Variants in ABLIM1 observed in about 807,000 individuals in gnomAD.
ABLIM1 encodes actin-binding LIM protein 1.
In ABLIM1, 40 loss-of-function variants were observed where a neutral mutation model predicts 107.0. That is an observed-to-expected ratio of 0.37 (90% CI 0.29 to 0.49). The LOEUF (loss-of-function observed/expected upper bound fraction) is 0.49, where lower values mean the gene tolerates loss of function less well. Among genes scored for constraint, ABLIM1 ranks in the 20% least tolerant of loss-of-function variants. The pLI is 0.97. For synonymous variants in ABLIM1, 357 were observed against 357.3 expected, an observed-to-expected ratio of 1.00 and a Z score of 0.01; for missense variants, 857 against 1,008.5, an observed-to-expected ratio of 0.85 and a Z score of 2.04.
chr10:114,479,091 TTTTTC>T (rs1424751361), intron 8 of ABLIM1, among the ~76,000 whole-genome samples: 1 of 152,212 alleles, frequency 6.6e-6, no homozygotes, highest in Non-Finnish European at 1.5e-5. Context: ...TTCCATTCTC[TTTTTC>T]TTTTAACTTC....
At chr10:114,660,896 T>C (rs1236990498), upstream of ABLIM1, among the ~76,000 whole-genome samples, 2 of 152,140 alleles carry the variant, frequency 1.3e-5, no homozygotes, top group African/African-American at 4.8e-5. Flanking sequence ...GGAAAAAAGG[T>C]AACTCTTCCA....
chr10:114,673,645 A>C (rs2080354036), intron 1 of ABLIM1, among the ~76,000 whole-genome samples: 1 of 152,228 alleles, frequency 6.6e-6, no homozygotes. Flanking sequence ...GTCTTCCTGG[A>C]TGCCCCAACT....
chr10:114,800,915 T>TA, the ABLIM1 span, among the ~76,000 whole-genome samples: 1 of 149,238 alleles, frequency 6.7e-6, no homozygotes, highest in Non-Finnish European at 1.5e-5. Context: ...ACTCAATAAA[T>TA]AAAAAACAAA....
At chr10:114,474,762 C>A (rs1448574557) in intron 8 of ABLIM1, among the ~76,000 whole-genome samples, 1 of 152,178 alleles carries the variant, frequency 6.6e-6, no homozygotes, top group Non-Finnish European at 1.5e-5. Context: ...TGTGTCTCCA[C>A]CCACGTTTCA....
intron 3 of ABLIM1, among the ~76,000 whole-genome samples, 200 bp downstream of exon 3, chr10:114,575,216 A>C (rs1458531005): frequency 6.6e-6 from 1 of 152,174 alleles, no homozygotes; most frequent in African/African-American, 2.4e-5. Flanking sequence ...CAGTCATATT[A>C]CTTTGTAGAG....
chr10:114,690,763 C>T (rs2081059199), intron 1 of ABLIM1: 1 of 273,162 alleles, frequency 3.7e-6, no homozygotes, highest in Non-Finnish European at 6.9e-6. Context: ...CTCCCTGCAA[C>T]CTCTGCCTCC....
chr10:114,761,177 G>C (rs538741874), intron 1 of ABLIM1, among the ~76,000 whole-genome samples: 28 of 151,770 alleles, frequency 1.8e-4, no homozygotes, highest in African/African-American at 6.8e-4. Context: ...AAGTAAGAGA[G>C]AAGAAAGATG....
intron 6 of ABLIM1, among the ~76,000 whole-genome samples, chr10:114,505,317 A>G (rs1240154035): frequency 3.9e-5 from 6 of 152,330 alleles, no homozygotes; most frequent in Middle Eastern, 3.4e-3. Context: ...TCTAACTCCA[A>G]TTGGATAATT....
intron 2 of ABLIM1, among the ~76,000 whole-genome samples, chr10:114,581,160 T>C (rs960012766): frequency 3.3e-5 from 5 of 152,054 alleles, no homozygotes; most frequent in Admixed American, 3.3e-4. Flanking sequence ...AGTTGCAAAA[T>C]TAGTAACAGG....
intron 10 of ABLIM1, 101 bp downstream of exon 10, chr10:114,472,876 A>G: frequency 7.9e-7 from 1 of 1,260,502 alleles, no homozygotes. Flanking sequence ...GGCAGACAAA[A>G]GACCACCTGA....
At chr10:114,557,725 T>C (rs1391277980) in intron 4 of ABLIM1, among the ~76,000 whole-genome samples, 1 of 146,812 alleles carries the variant, frequency 6.8e-6, no homozygotes, top group Non-Finnish European at 1.5e-5. Flanking sequence ...CTTCTGGTCT[T>C]AAAGCTTGAG....
At chr10:114,788,556 C>T in the ABLIM1 span, among the ~76,000 whole-genome samples, 2 of 151,712 alleles carry the variant, frequency 1.3e-5, no homozygotes, top group Non-Finnish European at 2.9e-5. Context: ...GGTGAAACCC[C>T]GTCTCTACTA....
chr10:114,604,894 T>C (rs1239138216), intron 1 of ABLIM1, among the ~76,000 whole-genome samples: 2 of 152,234 alleles, frequency 1.3e-5, no homozygotes. Context: ...GGCTTTTCTC[T>C]ATGTCCGAAC....
At chr10:114,687,585 ACC>A (rs1271948434), upstream of ABLIM1, among the ~76,000 whole-genome samples, 3 of 152,196 alleles carry the variant, frequency 2.0e-5, no homozygotes, top group Non-Finnish European at 4.4e-5. Flanking sequence ...CAAACAGGAT[ACC>A]TTACAACAGA....
intron 13 of ABLIM1, among the ~76,000 whole-genome samples, chr10:114,453,058 A>G (rs2062139881): frequency 6.6e-6 from 1 of 152,262 alleles, no homozygotes; most frequent in Non-Finnish European, 1.5e-5. Flanking sequence ...ATGACAGCAA[A>G]CCACAGAAAG....
At chr10:114,538,628 T>C (rs935438148) in intron 6 of ABLIM1, among the ~76,000 whole-genome samples, 25 of 151,972 alleles carry the variant, frequency 1.6e-4, no homozygotes, top group Non-Finnish European at 7.4e-5. Context: ...CTGGGTGCGG[T>C]GATGTGAGGA....
chr10:114,516,145 T>C (rs2062775829), intron 6 of ABLIM1, among the ~76,000 whole-genome samples: 1 of 151,772 alleles, frequency 6.6e-6, no homozygotes, highest in East Asian at 1.9e-4. Context: ...ATTTTAAACA[T>C]TGTCTAAGGG....
intron 1 of ABLIM1, among the ~76,000 whole-genome samples, chr10:114,611,264 C>T (rs192254566): frequency 3.5e-4 from 53 of 151,248 alleles, no homozygotes; most frequent in African/African-American, 1.1e-3. Context: ...GTCGGGAGTC[C>T]GAGAACAGCC....
chr10:114,458,951 AG>A (rs1316571432), intron 12 of ABLIM1, among the ~76,000 whole-genome samples: 1 of 152,264 alleles, frequency 6.6e-6, no homozygotes, highest in Non-Finnish European at 1.5e-5. Context: ...GGAAGTTTGG[AG>A]GACAGAAATA....
Sources: gnomAD v4.1 joint callset for allele counts (sites outside exome capture counted in the v4.1 genomes callset) on GRCh38, gnomAD v4.1.1 for gene constraint, MANE v1.5 for transcripts, NCBI Gene and HGNC (gene_info 2026-07-23, HGNC 2026-07-21) for gene names.